The following SLC44A5 variants were observed in gnomAD, a reference collection of about 807,000 sequenced individuals.
SLC44A5 encodes solute carrier family 44 member 5, also known as choline transporter-like protein 5.
SLC44A5 carries 57 observed loss-of-function variants against 101.8 expected under a neutral mutation model. The observed-to-expected ratio is 0.56, with a 90% CI of 0.45 to 0.70. The LOEUF (loss-of-function observed/expected upper bound fraction) is 0.70, where lower values mean the gene tolerates loss of function less well. Ranked by LOEUF, SLC44A5 falls within the 30% of genes least tolerant of loss-of-function variation. The pLI is 0.00. For synonymous variants in SLC44A5, 281 were observed against 290.9 expected, an observed-to-expected ratio of 0.97 and a Z score of 0.35; for missense variants, 737 against 853.1, an observed-to-expected ratio of 0.86 and a Z score of 1.70.
At chr1:75,709,104 A>C in the SLC44A5 span, among the ~76,000 whole-genome samples, 1 of 152,174 alleles carries the variant, frequency 6.6e-6, no homozygotes, top group Non-Finnish European at 1.5e-5. Flanking sequence ...TTATGATCTT[A>C]ATCTCAGAGT....
intron 4 of SLC44A5, among the ~76,000 whole-genome samples, chr1:75,323,506 G>A (rs1656341141): frequency 6.6e-6 from 1 of 152,124 alleles, no homozygotes; most frequent in Non-Finnish European, 1.5e-5. Context: ...AGATCCCTGA[G>A]GAATCGCCAC....
At chr1:75,342,066 C>G (rs1312166865) in intron 3 of SLC44A5, among the ~76,000 whole-genome samples, 1 of 152,052 alleles carries the variant, frequency 6.6e-6, no homozygotes, top group East Asian at 1.9e-4. Context: ...CTTAACAGAC[C>G]AACCTAATGG....
intron 23 of SLC44A5, among the ~76,000 whole-genome samples, chr1:75,209,119 T>A (rs1448566073): frequency 6.6e-6 from 1 of 152,200 alleles, no homozygotes; most frequent in African/African-American, 2.4e-5. Flanking sequence ...AAATGATTCA[T>A]GTCAACATGC....
At chr1:75,494,993 A>G (rs1668594959) in intron 2 of SLC44A5, among the ~76,000 whole-genome samples, 1 of 152,188 alleles carries the variant, frequency 6.6e-6, no homozygotes, top group African/African-American at 2.4e-5. Context: ...TTTGCAGCAC[A>G]TAATTTGAGA....
chr1:75,405,399 A>G (rs535119839), intron 2 of SLC44A5, among the ~76,000 whole-genome samples: 1 of 152,334 alleles, frequency 6.6e-6, no homozygotes, highest in African/African-American at 2.4e-5. Context: ...TCAACAGAAT[A>G]TACATTCTTC....
At chr1:75,216,508 G>A (rs1332432872) in intron 18 of SLC44A5, among the ~76,000 whole-genome samples, 1 of 151,766 alleles carries the variant, frequency 6.6e-6, no homozygotes, top group African/African-American at 2.4e-5. Context: ...AAATTTTTTA[G>A]AAGCTGCCAT....
intron 4 of SLC44A5, among the ~76,000 whole-genome samples, chr1:75,324,066 A>G (rs1435798851): frequency 6.6e-6 from 1 of 152,244 alleles, no homozygotes; most frequent in Non-Finnish European, 1.5e-5. Context: ...AAGGATGCAC[A>G]CTTAAAGACA....
In SLC44A5 at chr1:75,203,447, T is replaced by C. The variant is rs1172311901; in HGVS notation, c.*280A>G. ...TAAGATTTAAAAGAATATTAACATA[T>C]TCAGTAGTATTTTCAAAACATCCAA... On this transcript the variant is annotated 3_prime_UTR_variant, in exon 24 of 24. Transcript: ENST00000370859. 4 of 243,880 alleles carry C rather than the reference T, an allele frequency of 1.6e-5. No homozygotes were observed. The highest frequency in any genetic ancestry group is 2.3e-5 in the Non-Finnish European group (3 of 128,488). 15.1% of individuals were successfully genotyped at this position (243,880 alleles called of 1,614,324 possible).
At chr1:75,673,484 G>C in the SLC44A5 span, among the ~76,000 whole-genome samples, 1 of 152,122 alleles carries the variant, frequency 6.6e-6, no homozygotes, top group Admixed American at 6.6e-5. Flanking sequence ...TAGGGGAAGG[G>C]GGGAGCTCAC....
At chr1:75,661,876 G>A in the SLC44A5 span, among the ~76,000 whole-genome samples, 1 of 152,192 alleles carries the variant, frequency 6.6e-6, no homozygotes, top group South Asian at 2.1e-4. Context: ...AGAGGAAGGG[G>A]AATGCTCGTG....
the SLC44A5 span, among the ~76,000 whole-genome samples, chr1:75,651,090 C>G: frequency 6.6e-6 from 1 of 152,164 alleles, no homozygotes; most frequent in East Asian, 1.9e-4. Context: ...CTTAACTGCT[C>G]TAAGTAAATA....
At chr1:75,631,926 C>A in the SLC44A5 span, among the ~76,000 whole-genome samples, 1 of 152,124 alleles carries the variant, frequency 6.6e-6, no homozygotes, top group African/African-American at 2.4e-5. Context: ...CTTGGCCTCC[C>A]AAAGTGCTGG....
At chr1:75,306,084 A>T (rs1214911342) in intron 4 of SLC44A5, among the ~76,000 whole-genome samples, 1 of 152,236 alleles carries the variant, frequency 6.6e-6, no homozygotes, top group African/African-American at 2.4e-5. Context: ...TAGAAACGTT[A>T]TGTAAAATTC....
chr1:75,472,225 G>A (rs970217335), intron 2 of SLC44A5, among the ~76,000 whole-genome samples: 1 of 152,026 alleles, frequency 6.6e-6, no homozygotes, highest in Non-Finnish European at 1.5e-5. Context: ...TTTAGGGTGA[G>A]TCATGCAGGG....
At chr1:75,533,565 C>A (rs1670836033) in intron 2 of SLC44A5, among the ~76,000 whole-genome samples, 1 of 152,112 alleles carries the variant, frequency 6.6e-6, no homozygotes, top group Non-Finnish European at 1.5e-5. Context: ...CTGCAAATAC[C>A]AAAACCTTGC....
intron 1 of SLC44A5, among the ~76,000 whole-genome samples, chr1:75,597,439 G>GA (rs532757316): frequency 6.6e-5 from 10 of 151,996 alleles, no homozygotes; most frequent in South Asian, 4.2e-4. Context: ...CACTGAAATA[G>GA]AAAAAAATTT....
At chr1:75,529,279 TG>T (rs1670592935) in intron 2 of SLC44A5, among the ~76,000 whole-genome samples, 1 of 152,194 alleles carries the variant, frequency 6.6e-6, no homozygotes, top group Admixed American at 6.5e-5. Context: ...GCATTAAAAA[TG>T]GCTCATTAGC....
chr1:75,368,263 C>A (rs1659990361), intron 3 of SLC44A5, among the ~76,000 whole-genome samples: 1 of 152,176 alleles, frequency 6.6e-6, no homozygotes, highest in Non-Finnish European at 1.5e-5. Context: ...TGAGTAATTA[C>A]AGTTGTTCCT....
In SLC44A5 at chr1:75,208,805, T is replaced by C. The variant is rs1570355402; in HGVS notation, c.2047+2663A>G. 2.0e-5 allele frequency among the ~76,000 whole-genome samples: 3 copies of C among 152,184 alleles called. No individual in the cohort carries two copies. The South Asian group carries it at 6.2e-4, about 31-fold the overall frequency. ...TCACATTAATAAGCATCTACAACTATTATTTTTTTCCCACTCTGAGATGAT... is the reference window on the plus strand; with the variant it reads ...TCACATTAATAAGCATCTACAACTACTATTTTTTTCCCACTCTGAGATGAT... On this transcript the variant is annotated intron_variant, in intron 23 of 23. Coordinates refer to ENST00000370859, the MANE Select transcript of SLC44A5 (RefSeq NM_001130058.2).
Sources: gnomAD v4.1 joint callset for allele counts (sites outside exome capture counted in the v4.1 genomes callset) on GRCh38, gnomAD v4.1.1 for gene constraint, MANE v1.5 for transcripts, NCBI Gene and HGNC (gene_info 2026-07-23, HGNC 2026-07-21) for gene names.